EYA2: variants seen among roughly 807,000 people sequenced by gnomAD.
EYA2 encodes protein phosphatase EYA2.
In EYA2, 31 loss-of-function variants were observed where a neutral mutation model predicts 69.2. The ratio of observed to expected loss-of-function variants is 0.45; its 90% CI spans 0.34 to 0.60. EYA2 has a LOEUF of 0.60. Among genes scored for constraint, EYA2 ranks in the 20% least tolerant of loss-of-function variants. The pLI is 0.02. For synonymous variants in EYA2, 257 were observed against 279.4 expected, an observed-to-expected ratio of 0.92 and a Z score of 0.80; for missense variants, 622 against 701.2, an observed-to-expected ratio of 0.89 and a Z score of 1.28.
At position 47,046,440 on chromosome 20, in the gene EYA2, AC is replaced by A. The variant is rs1281109208; in HGVS notation, c.416-25744del. ...CTAGTGGGGGAACCAGCATGTAGAT[AC>A]ACCGAAGGATGAAGGTGTCTGCATC... On this transcript the variant is annotated intron_variant, in intron 5 of 15. Transcript: ENST00000327619. Among the ~76,000 whole-genome samples, 5 of 152,318 alleles carry A rather than the reference AC, an allele frequency of 3.3e-5. No individual in the cohort carries two copies. In the East Asian group the frequency reaches 9.6e-4, roughly 29 times the overall value.
chr20:47,172,162 G>A (rs1288565082), intron 11 of EYA2, among the ~76,000 whole-genome samples: 2 of 150,926 alleles, frequency 1.3e-5, no homozygotes, highest in South Asian at 2.1e-4. Context: ...GACGAGGCAC[G>A]GTGGTGCATG....
intron 9 of EYA2, among the ~76,000 whole-genome samples, chr20:47,117,898 T>A (rs965001320): frequency 1.3e-5 from 2 of 152,216 alleles, no homozygotes; most frequent in Non-Finnish European, 2.9e-5. Context: ...AGGACATCTG[T>A]TTATTTTATT....
chr20:46,941,507 CTA>C (rs2095562060), intron 1 of EYA2, among the ~76,000 whole-genome samples: 1 of 152,174 alleles, frequency 6.6e-6, no homozygotes, highest in Admixed American at 6.5e-5. Context: ...CAATGCATTT[CTA>C]TGTGTAAAGT....
intron 7 of EYA2, among the ~76,000 whole-genome samples, chr20:47,076,515 T>G (rs2031524122): frequency 6.6e-6 from 1 of 152,234 alleles, no homozygotes; most frequent in African/African-American, 2.4e-5. Flanking sequence ...TTGAGAAGTG[T>G]CTGTTCATGT....
chr20:47,068,568 C>T (rs1303061656), intron 5 of EYA2, among the ~76,000 whole-genome samples: 1 of 152,136 alleles, frequency 6.6e-6, no homozygotes, highest in Non-Finnish European at 1.5e-5. Context: ...TGGCCCAACT[C>T]TAGACTAACT....
intron 9 of EYA2, among the ~76,000 whole-genome samples, chr20:47,101,041 C>T (rs2146525263): frequency 6.6e-6 from 1 of 152,162 alleles, no homozygotes; most frequent in East Asian, 1.9e-4. Flanking sequence ...GGGACTTGCC[C>T]CTCTCTTTTG....
intron 1 of EYA2, among the ~76,000 whole-genome samples, chr20:46,923,816 G>A (rs373088652): frequency 5.9e-5 from 9 of 152,274 alleles, no homozygotes; most frequent in African/African-American, 1.9e-4. Flanking sequence ...ACATAGGTCA[G>A]CCTCTCTCCA....
chr20:47,061,838 C>G (rs183728070), intron 5 of EYA2, among the ~76,000 whole-genome samples: 3 of 152,302 alleles, frequency 2.0e-5, no homozygotes, highest in Admixed American at 2.0e-4. Flanking sequence ...TGAACCACGT[C>G]TTAGTCCCCA....
intron 5 of EYA2, among the ~76,000 whole-genome samples, chr20:47,030,860 G>A (rs1364583081): frequency 6.6e-6 from 1 of 152,168 alleles, no homozygotes; most frequent in Non-Finnish European, 1.5e-5. Context: ...GGACTCAAGC[G>A]ATCCTCTCGT....
chr20:47,078,243 G>A (rs2031584758), intron 7 of EYA2, among the ~76,000 whole-genome samples: 1 of 152,128 alleles, frequency 6.6e-6, no homozygotes. Flanking sequence ...GTCAGCTGTA[G>A]CTGAGGTCTC....
At chr20:47,135,025 G>T (rs566254904) in intron 9 of EYA2, among the ~76,000 whole-genome samples, 1 of 151,014 alleles carries the variant, frequency 6.6e-6, no homozygotes, top group Non-Finnish European at 1.5e-5. Flanking sequence ...TACTTGGGAG[G>T]CTGAGGCACA....
chr20:46,984,221 A>G (rs1981027137), intron 1 of EYA2, among the ~76,000 whole-genome samples: 1 of 152,222 alleles, frequency 6.6e-6, no homozygotes, highest in African/African-American at 2.4e-5. Flanking sequence ...TTACACCTAC[A>G]AAAAGAAATT....
intron 12 of EYA2, among the ~76,000 whole-genome samples, chr20:47,175,993 A>T (rs2034419519): frequency 6.6e-6 from 1 of 152,182 alleles, no homozygotes. Context: ...TGAACAAAAG[A>T]AACAAGGTCC....
chr20:47,007,605 T>A (rs1048658147), intron 4 of EYA2, among the ~76,000 whole-genome samples: 31 of 152,148 alleles, frequency 2.0e-4, no homozygotes, highest in East Asian at 7.7e-4. Context: ...GGGTTTTTTT[T>A]AATTTTATTC....
At chr20:47,146,004 G>A (rs1014909678) in intron 10 of EYA2, among the ~76,000 whole-genome samples, 1 of 152,194 alleles carries the variant, frequency 6.6e-6, no homozygotes, top group Non-Finnish European at 1.5e-5. Context: ...CTGGATCCAG[G>A]TGGTAGGAAG....
At chr20:47,026,824 T>C (rs1294817373) in intron 5 of EYA2, among the ~76,000 whole-genome samples, 1 of 152,244 alleles carries the variant, frequency 6.6e-6, no homozygotes, top group Non-Finnish European at 1.5e-5. Flanking sequence ...CCCTCTAGAA[T>C]GGATCCCAAG....
Position 47,163,983 on chromosome 20 carries a change from G to A in EYA2, c.979-5156G>A, listed in dbSNP as rs531111772. Among the ~76,000 whole-genome samples the A allele has an allele frequency of 5.7e-4, 86 of 152,146 alleles. 2 individuals are homozygous for A. In the South Asian group the frequency reaches 0.015, roughly 26 times the overall value. ...TCAAGGCCACGGGAACCCTTCCACC[G>A]TCTCTGCCAGCAGATGCCATTCAGC... is the stretch of plus-strand genomic sequence containing the variant. On this transcript the variant is annotated intron_variant, in intron 10 of 15. Transcript: ENST00000327619.
In EYA2 at chr20:47,150,052, T is replaced by C. The variant is rs117520775; in HGVS notation, c.978+6904T>C. 2.8e-4 allele frequency among the ~76,000 whole-genome samples: 42 copies of C among 152,244 alleles called. No individual in the cohort carries two copies. The East Asian group carries it at 7.7e-3, about 28-fold the overall frequency. ...TGAAGAAGATGTCCAGGGGCTGGCA[T>C]GGTGAGGGCAGTAGTAAGAGGGAGG... On this transcript the variant is annotated intron_variant, in intron 10 of 15. Transcript: ENST00000327619.
chr20:47,004,244 A>G (rs1348401201), intron 3 of EYA2, among the ~76,000 whole-genome samples: 1 of 152,220 alleles, frequency 6.6e-6, no homozygotes, highest in Non-Finnish European at 1.5e-5. Context: ...GAGATTAAGA[A>G]TGGGACAGAT....
Sources: gnomAD v4.1 joint callset for allele counts (sites outside exome capture counted in the v4.1 genomes callset) on GRCh38, gnomAD v4.1.1 for gene constraint, MANE v1.5 for transcripts, NCBI Gene and HGNC (gene_info 2026-07-23, HGNC 2026-07-21) for gene names.